The following SYT6 variants were observed in gnomAD, a reference collection of about 807,000 sequenced individuals.
SYT6 encodes the protein synaptotagmin-6.
A neutral mutation model predicts 38.4 loss-of-function variants in SYT6; 24 were observed. The ratio of observed to expected loss-of-function variants is 0.62; its 90% CI spans 0.45 to 0.88. The LOEUF (loss-of-function observed/expected upper bound fraction) is 0.88. Among genes scored for constraint, SYT6 ranks in the 40% least tolerant of loss-of-function variants. SYT6 has a pLI of 0.00. For missense variants in SYT6, 611 were observed against 621.0 expected (o/e 0.98, Z 0.17); for synonymous variants, 265 against 241.9 (o/e 1.10, Z -0.89).
At chr1:114,092,634 C>G (rs767948332) in intron 7 of SYT6, among the ~76,000 whole-genome samples, 1 of 152,120 alleles carries the variant, frequency 6.6e-6, no homozygotes, top group African/African-American at 2.4e-5. Flanking sequence ...GAGGTGTGAG[C>G]AGACCCTTCT....
At position 114,099,243 on chromosome 1, in the gene SYT6, C is replaced by T. The variant is rs377580497; in HGVS notation, c.1215G>A (p.Leu405=). ...GYSDPYVKVS[L]LCDGRRLKKK... is the part of the protein sequence containing the mutation. ...TCTTCAGCCTCCGCCCATCACAGAG[C>T]AAGGACACTTTCACATAGGGATCTG... The change falls in exon 5 of 8, where the codon TTG becomes TTA. Residue 405 remains leucine (L), a synonymous_variant. Coordinates refer to ENST00000610222, the MANE Select transcript of SYT6 (RefSeq NM_001253772.2). 1 of 1,613,056 alleles carries T rather than the reference C, an allele frequency of 6.2e-7. No individual in the cohort carries two copies. Among genetic ancestry groups the T allele is most frequent in the Non-Finnish European group, 8.5e-7 (1 of 1,179,476 alleles).
At chr1:114,102,090 C>A (rs1192072661) in intron 4 of SYT6, among the ~76,000 whole-genome samples, 1 of 152,208 alleles carries the variant, frequency 6.6e-6, no homozygotes, top group East Asian at 1.9e-4. Flanking sequence ...TCACCATAGG[C>A]TTTCTCTCCA....
rs116590138 is a variant in SYT6 at position 114,134,379 on chromosome 1, T to C, written c.1071+3116A>G. Among the ~76,000 whole-genome samples, 1,279 of 152,302 alleles carry C rather than the reference T, an allele frequency of 8.4e-3. 14 individuals are homozygous for C. The highest frequency in any genetic ancestry group is 0.03 in the African/African-American group (1,228 of 41,566). On this transcript the variant is annotated intron_variant, in intron 3 of 7. Transcript: ENST00000610222. ...AGTCTTTTCCTTGGGTACCCATATA[T>C]AGTTTTAATTGAATTAAGTAAGCCA...
intron 3 of SYT6, among the ~76,000 whole-genome samples, chr1:114,132,299 C>T (rs1386913457): frequency 6.6e-6 from 1 of 152,192 alleles, no homozygotes; most frequent in Non-Finnish European, 1.5e-5. Flanking sequence ...TTGATGGGGC[C>T]TCCCCTGTGG....
rs1332414122 is a variant in SYT6, at chr1:114,099,255, C to G, written c.1203G>C (p.Val401=). Residue 401 remains valine (V), a synonymous_variant, in exon 5 of 8, where the codon GTG becomes GTC. Transcript: ENST00000610222. The part of the protein sequence containing the change: ...MDITGYSDPY[V]KVSLLCDGRR... Reference sequence around the variant, plus strand: ...GCCCATCACAGAGCAAGGACACTTTCACATAGGGATCTGTGCCAATGGGGA... The same window carrying G: ...GCCCATCACAGAGCAAGGACACTTTGACATAGGGATCTGTGCCAATGGGGA... The G allele has an allele frequency of 6.2e-7, 1 of 1,612,342 alleles. No homozygotes were observed. Among genetic ancestry groups the G allele is most frequent in the South Asian group, 1.1e-5 (1 of 90,752 alleles).
rs184903823 is a variant in SYT6 at position 114,106,056 on chromosome 1, A to C, written c.1072-2335T>G. Among the ~76,000 whole-genome samples, 277 of 152,266 alleles carry C rather than the reference A, an allele frequency of 1.8e-3. 1 individual carries two copies. The highest frequency in any genetic ancestry group is 2.7e-3 in the Admixed American group (41 of 15,306). Reference sequence around the variant, plus strand: ...CTCCTGGCTCCCTAGTCCCCTAGTCAAGAGAGAGACACATAGCAAGTGCCC... The same window carrying C: ...CTCCTGGCTCCCTAGTCCCCTAGTCCAGAGAGAGACACATAGCAAGTGCCC... On this transcript the variant is annotated intron_variant, in intron 3 of 7. Coordinates refer to ENST00000610222, the MANE Select transcript of SYT6 (RefSeq NM_001253772.2).
intron 3 of SYT6, among the ~76,000 whole-genome samples, chr1:114,109,492 A>G (rs1433465724): frequency 2.6e-5 from 4 of 152,216 alleles, no homozygotes; most frequent in African/African-American, 9.7e-5. Context: ...AACCTTTCAT[A>G]ATCTTGGCTT....
At chr1:114,129,937 G>A (rs56291607) in intron 3 of SYT6, among the ~76,000 whole-genome samples, 26,569 of 151,120 alleles carry the variant, frequency 0.18, 2,381 homozygotes, top group East Asian at 0.27. Flanking sequence ...CTCCTGCCTC[G>A]GCCTCCCGAA....
chr1:114,112,907 TGG>T (rs958466840), intron 3 of SYT6, among the ~76,000 whole-genome samples: 1 of 152,146 alleles, frequency 6.6e-6, no homozygotes, highest in African/African-American at 2.4e-5. Flanking sequence ...CGCAGGGCTG[TGG>T]GGGCTGGGAC....
At chr1:114,147,200 C>T (rs772582031) in intron 1 of SYT6, among the ~76,000 whole-genome samples, 11 of 152,224 alleles carry the variant, frequency 7.2e-5, no homozygotes, top group Non-Finnish European at 1.5e-4. Flanking sequence ...TCAGATCACA[C>T]ATCTCCAGGC....
intron 3 of SYT6, among the ~76,000 whole-genome samples, chr1:114,109,721 T>C (rs1226678426): frequency 6.6e-6 from 1 of 152,182 alleles, no homozygotes. Context: ...CAGTAGGTAG[T>C]ACTGTTTGGT....
intron 3 of SYT6, among the ~76,000 whole-genome samples, chr1:114,126,968 G>A (rs1677782199): frequency 6.6e-6 from 1 of 152,220 alleles, no homozygotes; most frequent in African/African-American, 2.4e-5. Flanking sequence ...GCCTCTGGCA[G>A]CTTTGTAAGG....
chr1:114,116,958 T>C (rs1002129141), intron 3 of SYT6, among the ~76,000 whole-genome samples: 8 of 152,242 alleles, frequency 5.3e-5, no homozygotes, highest in Non-Finnish European at 1.0e-4. Flanking sequence ...CCTCATGTTT[T>C]AGGCATTTTG....
intron 3 of SYT6, among the ~76,000 whole-genome samples, chr1:114,136,267 T>G (rs992394305): frequency 6.6e-6 from 1 of 152,158 alleles, no homozygotes; most frequent in Non-Finnish European, 1.5e-5. Flanking sequence ...CTTCACAGGC[T>G]CAACACAGAG....
intron 3 of SYT6, among the ~76,000 whole-genome samples, chr1:114,129,410 C>T (rs1677950770): frequency 6.9e-6 from 1 of 145,242 alleles, no homozygotes; most frequent in South Asian, 2.1e-4. Flanking sequence ...ACCTCTCCCG[C>T]CTCTTACCTC....
intron 1 of SYT6, among the ~76,000 whole-genome samples, chr1:114,141,485 G>A (rs190202341): frequency 6.3e-4 from 96 of 152,330 alleles, no homozygotes; most frequent in African/African-American, 1.9e-3. Context: ...TTTGAATCTA[G>A]CAGAGGTTGG....
chr1:114,112,242 A>G (rs1676729011), intron 3 of SYT6, among the ~76,000 whole-genome samples: 1 of 152,194 alleles, frequency 6.6e-6, no homozygotes, highest in Admixed American at 6.5e-5. Context: ...GGCACCCCCA[A>G]GCCGGTGTGG....
chr1:114,120,481 A>AT (rs946886691), intron 3 of SYT6, among the ~76,000 whole-genome samples: 10 of 151,996 alleles, frequency 6.6e-5, no homozygotes, highest in East Asian at 3.9e-4. Context: ...TCTTTCACTT[A>AT]TTTTTTTGCT....
At chr1:114,125,997 A>ATACT (rs1677706985) in intron 3 of SYT6, among the ~76,000 whole-genome samples, 1 of 152,078 alleles carries the variant, frequency 6.6e-6, no homozygotes, top group Non-Finnish European at 1.5e-5. Context: ...CCTACAGTAT[A>ATACT]GAGAGGCTCA....
Sources: allele counts gnomAD v4.1 joint callset (sites outside exome capture counted in the v4.1 genomes callset), GRCh38; gene constraint gnomAD v4.1.1; transcripts MANE v1.5; gene names NCBI Gene and HGNC (gene_info 2026-07-23, HGNC 2026-07-21).